The following FAR1 variants were observed in gnomAD, a reference collection of about 807,000 sequenced individuals.
FAR1 encodes the protein male sterility domain-containing protein 2.
A neutral mutation model predicts 61.1 loss-of-function variants in FAR1; 22 were observed. The ratio of observed to expected loss-of-function variants is 0.36; its 90% CI spans 0.26 to 0.51. The LOEUF is 0.51. FAR1 is among the 20% of genes least tolerant of loss of function. FAR1 has a pLI of 0.95. For synonymous variants in FAR1, 206 were observed against 209.7 expected (o/e 0.98, Z 0.15); for missense variants, 359 against 626.9 (o/e 0.57, Z 4.56).
At chr11:13,711,344 T>A (rs1330287381) in intron 5 of FAR1, among the ~76,000 whole-genome samples, 1 of 152,158 alleles carries the variant, frequency 6.6e-6, no homozygotes, top group African/African-American at 2.4e-5. Context: ...GCATCTGTTG[T>A]TGCTTTGACA....
chr11:13,676,531 G>C (rs1848071282), intron 1 of FAR1, among the ~76,000 whole-genome samples: 1 of 152,070 alleles, frequency 6.6e-6, no homozygotes, highest in Non-Finnish European at 1.5e-5. Flanking sequence ...AACTGTTTTT[G>C]GCTGACAAAG....
chr11:13,732,031 T>C lies in FAR1; in HGVS notation c.*3257T>C, dbSNP rs1290473385. ...CCATTAGCGCTAACTTGCTCTGTTT[T>C]GAGAAAAACTTTCCAAACTTTTGCA... On this transcript the variant is annotated 3_prime_UTR_variant, in exon 12 of 12. Coordinates refer to ENST00000354817, the MANE Select transcript of FAR1 (RefSeq NM_032228.6). 8 of 152,082 alleles carry C rather than the reference T, an allele frequency of 5.3e-5. No homozygotes were observed. Among genetic ancestry groups the C allele is most frequent in the Non-Finnish European group, 7.4e-5 (5 of 68,012 alleles). The allele number at this position is 152,082 out of a possible 1,614,324, so 9.4% of individuals were successfully genotyped here. A position where few individuals can be genotyped will look rare whatever the true frequency, so the allele number is the denominator to read the frequency against.
chr11:13,713,997 A>G (rs1038280542), intron 8 of FAR1, among the ~76,000 whole-genome samples: 3 of 152,152 alleles, frequency 2.0e-5, no homozygotes, highest in African/African-American at 7.2e-5. Flanking sequence ...AAGTATTAAT[A>G]TAGATGATAC....
chr11:13,685,666 C>A, intron 1 of FAR1: 1 of 175,022 alleles, frequency 5.7e-6, no homozygotes, highest in South Asian at 1.2e-4. Flanking sequence ...GGTGAGAAGC[C>A]AAGTCGAGCA....
intron 1 of FAR1, among the ~76,000 whole-genome samples, chr11:13,688,274 A>T (rs1848211883): frequency 6.6e-6 from 1 of 151,928 alleles, no homozygotes; most frequent in Admixed American, 6.6e-5. Flanking sequence ...AAATTGTGTA[A>T]GTCATTATAG....
intron 2 of FAR1, among the ~76,000 whole-genome samples, chr11:13,698,435 A>G (rs534145985): frequency 6.9e-4 from 105 of 152,336 alleles, no homozygotes; most frequent in African/African-American, 2.4e-3. Flanking sequence ...TCAGACAAGT[A>G]AATATCTTGA....
chr11:13,709,390 G>A (rs569747539), intron 4 of FAR1, among the ~76,000 whole-genome samples: 1 of 152,138 alleles, frequency 6.6e-6, no homozygotes, highest in South Asian at 2.1e-4. Flanking sequence ...AATATCTGCG[G>A]GAAAAGTTGA....
At chr11:13,709,883 A>G (rs1027559104) in intron 4 of FAR1, among the ~76,000 whole-genome samples, 9 of 152,096 alleles carry the variant, frequency 5.9e-5, no homozygotes, top group Non-Finnish European at 1.0e-4. Flanking sequence ...GACAAGAAGT[A>G]AAAACAAGTA....
At chr11:13,687,585 G>C (rs1320883669) in intron 1 of FAR1, among the ~76,000 whole-genome samples, 1 of 152,190 alleles carries the variant, frequency 6.6e-6, no homozygotes, top group Non-Finnish European at 1.5e-5. Context: ...GGACAAGTCT[G>C]AACTTCCCTT....
chr11:13,698,186 A>G (rs1224479308), intron 2 of FAR1, among the ~76,000 whole-genome samples: 1 of 152,144 alleles, frequency 6.6e-6, no homozygotes, highest in Non-Finnish European at 1.5e-5. Flanking sequence ...TTGTATCTCC[A>G]AAACAGTACT....
rs186329725 is a variant in FAR1 at position 13,689,089 on chromosome 11, T to G, written c.-7-5670T>G. On this transcript the variant is annotated intron_variant, in intron 1 of 11. Transcript: ENST00000354817. Reference sequence around the variant, plus strand: ...TCTGAGAAATCAATCAAAATTAAGTTGGAGCAGCATGTATAAACCAGGCTT... The same window carrying G: ...TCTGAGAAATCAATCAAAATTAAGTGGGAGCAGCATGTATAAACCAGGCTT... Among the ~76,000 whole-genome samples the G allele has an allele frequency of 1.4e-3, 219 of 152,374 alleles. 1 individual carries two copies. Among genetic ancestry groups the G allele is most frequent in the African/African-American group, 5.1e-3 (211 of 41,584 alleles).
At position 13,694,706 on chromosome 11, in the gene FAR1, A is replaced by T. The variant is rs116695081; in HGVS notation, c.-7-53A>T. The stretch of plus-strand genomic sequence containing the variant: ...TGAATACCAAGAGATTTTTAGTATG[A>T]AAGAATGATGGTGAATCCTTAAACT... On this transcript the variant is annotated intron_variant, in intron 1 of 11. Transcript: ENST00000354817. The T allele has an allele frequency of 2.7e-4, 385 of 1,423,164 alleles. 2 individuals are homozygous for T. The African/African-American group carries it at 4.8e-3, about 18-fold the overall frequency. The allele number at this position is 1,423,164 out of a possible 1,614,324, so 88.2% of individuals were successfully genotyped here.
At chr11:13,694,643 TC>T in intron 1 of FAR1, 115 bp from the exon 2 acceptor site, 1 of 848,266 alleles carries the variant, frequency 1.2e-6, no homozygotes, top group Non-Finnish European at 1.8e-6. Flanking sequence ...TTGTTAATGT[TC>T]TATTTTGACT....
At chr11:13,682,590 T>A (rs1373922479) in intron 1 of FAR1, among the ~76,000 whole-genome samples, 1 of 152,156 alleles carries the variant, frequency 6.6e-6, no homozygotes. Flanking sequence ...TTCTTAGAAG[T>A]TGATTATCCT....
In FAR1 at chr11:13,710,721, A is replaced by G. The variant is rs761099444; in HGVS notation, c.574A>G (p.Ile192Val). 1.9e-6 allele frequency: 3 copies of G among 1,599,384 alleles called. No homozygotes were observed. In the Middle Eastern group the frequency reaches 5.1e-4, roughly 272 times the overall value. ...EWMDDGLVND[I>V]TPKLIGDRPN... The stretch of plus-strand genomic sequence containing the variant: ...GATGGATGATGGCCTAGTAAATGAT[A>G]TCACGCCAAAATTGATAGGAGACAG... The change falls in exon 5 of 12, where the codon ATC (isoleucine) becomes GTC (valine). Residue 192 changes from isoleucine (I) to valine (V), a missense_variant. By Grantham distance (29) the Ile-to-Val change is conservative (BLOSUM62 3). This residue lies in a region of FAR1 where 344 missense variants were observed against 570.3 expected (regional missense o/e 0.60). Transcript: ENST00000354817.
chr11:13,685,759 A>G (rs768870570), intron 1 of FAR1: 15 of 152,248 alleles, frequency 9.9e-5, no homozygotes, highest in Non-Finnish European at 1.6e-4. Flanking sequence ...AGTTTGGCCC[A>G]TCAACTTTTA....
intron 9 of FAR1, chr11:13,715,767 TA>T (rs2134194954): frequency 6.6e-6 from 1 of 152,324 alleles, no homozygotes; most frequent in South Asian, 2.1e-4. Context: ...ACTATTAAAA[TA>T]CTTAATTTTT....
intron 9 of FAR1, chr11:13,720,637 T>A (rs914939810): frequency 1.3e-5 from 2 of 151,724 alleles, no homozygotes; most frequent in Non-Finnish European, 2.9e-5. Flanking sequence ...GCTTAGCTAA[T>A]GATACTTTTT....
chr11:13,724,499 G>T (rs554935993), intron 10 of FAR1, among the ~76,000 whole-genome samples: 2 of 146,216 alleles, frequency 1.4e-5, no homozygotes, highest in African/African-American at 2.5e-5. Context: ...GCAGGGAGCC[G>T]AGATTGTGTC....
Sources: gnomAD v4.1 joint callset for allele counts (sites outside exome capture counted in the v4.1 genomes callset) on GRCh38, gnomAD v4.1.1 for gene constraint, gnomAD v4.1.1 regional missense constraint, MANE v1.5 for transcripts, NCBI Gene and HGNC (gene_info 2026-07-23, HGNC 2026-07-21) for gene names.